Variants in ACSS1 observed in about 807,000 individuals in gnomAD.
ACSS1 encodes the protein acyl-CoA synthetase short chain family member 1.
Under a neutral mutation model 75.3 loss-of-function variants are expected in ACSS1, and 42 were observed. The ratio of observed to expected loss-of-function variants is 0.56; its 90% CI spans 0.44 to 0.72. The LOEUF is 0.72. ACSS1 is among the 30% of genes least tolerant of loss of function. The pLI, the probability that ACSS1 is intolerant of heterozygous loss-of-function variation, is 0.00. For synonymous variants in ACSS1, 380 were observed against 376.8 expected (o/e 1.01, Z -0.10); for missense variants, 782 against 935.7 (o/e 0.84, Z 2.14).
At chr20:25,023,702 C>T in intron 3 of ACSS1, 61 bp from the exon 4 acceptor site, 1 of 1,469,648 alleles carries the variant, frequency 6.8e-7, no homozygotes, top group Non-Finnish European at 9.2e-7. Flanking sequence ...CCTCATAGCT[C>T]TGACTCACAT....
Position 25,048,502 on chromosome 20 carries a change from C to T in ACSS1, c.335-321G>A, listed in dbSNP as rs6083731. On this transcript the variant is annotated intron_variant, in intron 1 of 13. Transcript: ENST00000323482. ...TCCAATGGGTCCTGGGCCTTCAAAG[C>T]CTCAAAGCCCCCATGGTTGGTTCTG... is the stretch of plus-strand genomic sequence containing the variant. Among the ~76,000 whole-genome samples the T allele has an allele frequency of 5.2e-3, 789 of 152,310 alleles. 3 individuals are homozygous for T. Among genetic ancestry groups the T allele is most frequent in the Non-Finnish European group, 8.7e-3 (594 of 68,026 alleles).
Position 25,007,216 on chromosome 20 carries a change from T to C in ACSS1, c.*546A>G. The C allele has an allele frequency of 8.3e-7, 1 of 1,206,206 alleles. No homozygotes were observed. The highest frequency in any genetic ancestry group is 1.0e-6 in the Non-Finnish European group (1 of 967,322). The allele number at this position is 1,206,206 out of a possible 1,614,324, so 74.7% of individuals were successfully genotyped here. A position where few individuals can be genotyped will look rare whatever the true frequency, so the allele number is the denominator to read the frequency against. Reference sequence around the variant, plus strand: ...TTAAAAATGTGGCCTCTGATCCTCATGTTTCCTCACCAGTAGAGGCAAAAA... The same window carrying C: ...TTAAAAATGTGGCCTCTGATCCTCACGTTTCCTCACCAGTAGAGGCAAAAA... On this transcript the variant is annotated 3_prime_UTR_variant, in exon 14 of 14. Coordinates refer to ENST00000323482, the MANE Select transcript of ACSS1 (RefSeq NM_032501.4).
At chr20:25,032,769 T>G in intron 2 of ACSS1, 1 of 960,238 alleles carries the variant, frequency 1.0e-6, no homozygotes, top group African/African-American at 1.7e-5. Flanking sequence ...AAATGAGCTG[T>G]CCGCATCACA....
intron 6 of ACSS1, 39 bp downstream of exon 6, chr20:25,021,350 C>T (rs2122635592): frequency 6.2e-7 from 1 of 1,605,210 alleles, no homozygotes; most frequent in Non-Finnish European, 8.5e-7. Flanking sequence ...TCTCCCCTGA[C>T]ACCAGCATGG....
chr20:25,032,533 A>C, intron 2 of ACSS1: 1 of 1,253,814 alleles, frequency 8.0e-7, no homozygotes, highest in Non-Finnish European at 1.0e-6. Flanking sequence ...GCTAACACAG[A>C]ACGAAGAATG....
rs746168705 is a variant in ACSS1 at position 25,057,893 on chromosome 20, G to T, written c.210C>A (p.Ala70=). The T allele has an allele frequency of 6.2e-7, 1 of 1,612,446 alleles. No individual in the cohort carries two copies. Among genetic ancestry groups the T allele is most frequent in the South Asian group, 1.1e-5 (1 of 90,998 alleles). ...CCCGCGCCAGAGGCCCCCAGAAGGC[G>T]GCCGGCTCCCGGGCTGCCTGTGCAC... is the stretch of plus-strand genomic sequence containing the variant. The part of the protein sequence containing the change: ...ALSAQAAREP[A]AFWGPLARDT... The change falls in exon 1 of 14, where the codon GCC becomes GCA. Residue 70 remains alanine (A), a synonymous_variant. Coordinates refer to ENST00000323482, the MANE Select transcript of ACSS1 (RefSeq NM_032501.4).
chr20:25,051,798 G>T (rs1047983347), intron 1 of ACSS1, among the ~76,000 whole-genome samples: 1 of 152,186 alleles, frequency 6.6e-6, no homozygotes, highest in Non-Finnish European at 1.5e-5. Context: ...CCCCTGTCCA[G>T]CCACTCACTA....
At chr20:25,035,858 T>G (rs1464627921) in intron 2 of ACSS1, among the ~76,000 whole-genome samples, 7 of 152,264 alleles carry the variant, frequency 4.6e-5, no homozygotes, top group African/African-American at 1.7e-4. Context: ...CCATTCCAAG[T>G]ACTCAGGAAC....
Position 25,023,840 on chromosome 20 carries a change from G to C in ACSS1, c.632-199C>G, listed in dbSNP as rs571375212. Among the ~76,000 whole-genome samples, 17 of 152,300 alleles carry C rather than the reference G, an allele frequency of 1.1e-4. No individual in the cohort carries two copies. In the South Asian group the frequency reaches 3.1e-3, roughly 28 times the overall value. ...TGAAGAAGCACCAGGCCTTTGTCCA[G>C]TTCTGAGGCTGAGGGGAAGGAACCA... On this transcript the variant is annotated intron_variant, in intron 3 of 13. Coordinates refer to ENST00000323482, the MANE Select transcript of ACSS1 (RefSeq NM_032501.4).
chr20:25,041,008 C>T (rs1256450352), intron 2 of ACSS1, among the ~76,000 whole-genome samples: 1 of 152,194 alleles, frequency 6.6e-6, no homozygotes, highest in African/African-American at 2.4e-5. Context: ...CCTGTAATCC[C>T]AGCACTTTGG....
intron 13 of ACSS1, among the ~76,000 whole-genome samples, chr20:25,008,499 C>T (rs981576680): frequency 4.6e-5 from 7 of 152,124 alleles, no homozygotes; most frequent in African/African-American, 7.2e-5. Flanking sequence ...AGGGTGAGTC[C>T]GGGTCTCCTG....
At chr20:25,011,541 A>C (rs775556516) in intron 12 of ACSS1, 1 of 152,282 alleles carries the variant, frequency 6.6e-6, no homozygotes, top group African/African-American at 2.4e-5. Flanking sequence ...GGGGGCACTA[A>C]GTTACCCTAG....
intron 7 of ACSS1, 32 bp downstream of exon 7, chr20:25,019,978 C>T (rs1266739379): frequency 1.2e-6 from 2 of 1,613,786 alleles, no homozygotes; most frequent in South Asian, 1.1e-5. Flanking sequence ...AGGGCAAGCA[C>T]AACCTCTCCT....
At chr20:25,046,680 C>T in intron 2 of ACSS1, 1 of 661,000 alleles carries the variant, frequency 1.5e-6, no homozygotes, top group South Asian at 1.7e-5. Context: ...TCAGAAGGGG[C>T]TTTGTTCGCA....
intron 1 of ACSS1, 106 bp downstream of exon 1, chr20:25,057,663 G>T: frequency 8.5e-7 from 1 of 1,181,920 alleles, no homozygotes; most frequent in Non-Finnish European, 1.2e-6. Flanking sequence ...GCCCCTGCAG[G>T]GCTGCGATCC....
At position 25,058,074 on chromosome 20, in the gene ACSS1, A is replaced by ACGC; in HGVS notation, c.26_28dup (p.Gly9dup). The ACGC allele has an allele frequency of 7.9e-7, 1 of 1,267,936 alleles. No individual in the cohort carries two copies. Among genetic ancestry groups the ACGC allele is most frequent in the Non-Finnish European group, 9.9e-7 (1 of 1,010,730 alleles). 78.5% of individuals were successfully genotyped at this position (1,267,936 alleles called of 1,614,324 possible). A position where few individuals can be genotyped will look rare whatever the true frequency, so the allele number is the denominator to read the frequency against. ...TCGCAGGCTGCCCAGCAGCCTCCCG[A>ACGC]CGCCGCGGCCCAGGGTGCGCGCCGC... On this transcript the variant is annotated inframe_insertion, in exon 1 of 14. Coordinates refer to ENST00000323482, the MANE Select transcript of ACSS1 (RefSeq NM_032501.4).
At chr20:25,046,494 C>G (rs2089092273) in intron 2 of ACSS1, 1 of 391,732 alleles carries the variant, frequency 2.6e-6, no homozygotes, top group Non-Finnish European at 4.8e-6. Context: ...GCCCCAGGGT[C>G]CAGGCACACC....
intron 2 of ACSS1, among the ~76,000 whole-genome samples, chr20:25,034,979 G>A (rs6138476): frequency 0.27 from 41,423 of 151,788 alleles, 5,912 homozygotes; most frequent in Middle Eastern, 0.37. Context: ...TGCAAGCTCC[G>A]CCCCCTGGGT....
intron 8 of ACSS1, among the ~76,000 whole-genome samples, chr20:25,014,921 C>T (rs2088488764): frequency 6.6e-6 from 1 of 152,210 alleles, no homozygotes; most frequent in Admixed American, 6.5e-5. Flanking sequence ...GGAAACCGAG[C>T]CTCAGAGAAG....
Sources: gnomAD v4.1 joint callset for allele counts (sites outside exome capture counted in the v4.1 genomes callset) on GRCh38, gnomAD v4.1.1 for gene constraint, MANE v1.5 for transcripts, NCBI Gene and HGNC (gene_info 2026-07-23, HGNC 2026-07-21) for gene names.